The following ZDHHC14 variants were observed in gnomAD, a reference collection of about 807,000 sequenced individuals.
The protein encoded by ZDHHC14 is zDHHC palmitoyltransferase 14.
ZDHHC14 carries 16 observed loss-of-function variants against 47.7 expected under a neutral mutation model. The ratio of observed to expected loss-of-function variants is 0.34; its 90% CI spans 0.23 to 0.51. The LOEUF (loss-of-function observed/expected upper bound fraction) is 0.51, where lower values mean the gene tolerates loss of function less well. Ranked by LOEUF, ZDHHC14 falls within the 20% of genes least tolerant of loss-of-function variation. The probability of loss-of-function intolerance (pLI) is 0.97; values close to 1 mark genes in which losing one functional copy is unlikely to be tolerated. For missense variants in ZDHHC14, 515 were observed against 662.5 expected (o/e 0.78, Z 2.44); for synonymous variants, 293 against 278.9 (o/e 1.05, Z -0.50).
chr6:157,564,669 A>G (rs1252907393), intron 2 of ZDHHC14, among the ~76,000 whole-genome samples: 2 of 152,264 alleles, frequency 1.3e-5, no homozygotes, highest in African/African-American at 4.8e-5. Flanking sequence ...ATAATTTCTT[A>G]AATCTGTCAG....
chr6:157,500,092 GTTAGA>G (rs1780162067), intron 1 of ZDHHC14, among the ~76,000 whole-genome samples: 1 of 152,196 alleles, frequency 6.6e-6, no homozygotes, highest in South Asian at 2.1e-4. Flanking sequence ...ATGAGGCTGT[GTTAGA>G]TTAGTTAGTC....
In ZDHHC14 at chr6:157,673,699, A is replaced by G. The variant is rs1336359820; in HGVS notation, c.*577A>G. 6.5e-6 allele frequency: 1 copy of G among 152,912 alleles called. No homozygotes were observed. The highest frequency in any genetic ancestry group is 1.5e-5 in the Non-Finnish European group (1 of 68,316). The allele number at this position is 152,912 out of a possible 1,614,324, so 9.5% of individuals were successfully genotyped here. A position where few individuals can be genotyped will look rare whatever the true frequency, so the allele number is the denominator to read the frequency against. ...TGTTTTGTTGGAAGACAGTGCAACG[A>G]ACTGAGACTAATGGACAGTGTCATC... On this transcript the variant is annotated 3_prime_UTR_variant, in exon 9 of 9. Transcript: ENST00000359775. This position sits in a 1 kb window ranked among gnomAD's most constrained non-coding sequence, Gnocchi z 5.4.
chr6:157,406,457 C>T (rs867471042), intron 1 of ZDHHC14, among the ~76,000 whole-genome samples: 4 of 152,142 alleles, frequency 2.6e-5, no homozygotes, highest in Non-Finnish European at 2.9e-5. Flanking sequence ...TCTCAGAGAG[C>T]GCTGGATGGA....
intron 7 of ZDHHC14, among the ~76,000 whole-genome samples, chr6:157,648,595 A>T (rs532569522): frequency 6.6e-6 from 1 of 152,142 alleles, no homozygotes; most frequent in Admixed American, 6.5e-5. Context: ...TGTCCTCCTG[A>T]ACTAGGGGTC....
intron 1 of ZDHHC14, among the ~76,000 whole-genome samples, chr6:157,493,696 G>C (rs975984099): frequency 6.6e-6 from 1 of 152,252 alleles, no homozygotes; most frequent in Admixed American, 6.5e-5. Flanking sequence ...GCTGTCCTGA[G>C]GGTCTCAGGC....
chr6:157,590,672 G>GGC (rs1783873883), intron 2 of ZDHHC14, among the ~76,000 whole-genome samples: 1 of 152,230 alleles, frequency 6.6e-6, no homozygotes, highest in Admixed American at 6.5e-5. Context: ...GAAATGTGGG[G>GGC]TCAGAGCCCC....
chr6:157,545,442 C>T (rs532338220), intron 2 of ZDHHC14, among the ~76,000 whole-genome samples: 31 of 151,906 alleles, frequency 2.0e-4, no homozygotes, highest in Non-Finnish European at 3.8e-4. Context: ...TTTGGGAGGC[C>T]GAGGCAGGCA....
At position 157,469,991 on chromosome 6, in the gene ZDHHC14, G is replaced by A. The variant is rs1253989871; in HGVS notation, c.246-72594G>A. Reference sequence around the variant, plus strand: ...TCACTGGCTGCGGATGTGTGGGTACGTTACCTCTACAAAATGGAGACTAAC... The same window carrying A: ...TCACTGGCTGCGGATGTGTGGGTACATTACCTCTACAAAATGGAGACTAAC... On this transcript the variant is annotated intron_variant, in intron 1 of 8. Transcript: ENST00000359775. 7.2e-5 allele frequency among the ~76,000 whole-genome samples: 11 copies of A among 152,326 alleles called. No homozygotes were observed. The East Asian group carries it at 1.5e-3, about 21-fold the overall frequency.
At position 157,671,576 on chromosome 6, in the gene ZDHHC14, G is replaced by A. The variant is rs181054447; in HGVS notation, c.1069-1148G>A. Among the ~76,000 whole-genome samples the A allele has an allele frequency of 5.7e-3, 861 of 152,332 alleles. 3 individuals carry two copies. The highest frequency in any genetic ancestry group is 9.2e-3 in the Non-Finnish European group (628 of 68,032). ...TTCTGAAACTTGCCCATAGTTCAAG[G>A]AGAGGGTTTGCGGAGCTATCAGGGG... On this transcript the variant is annotated intron_variant, in intron 8 of 8. Coordinates refer to ENST00000359775, the MANE Select transcript of ZDHHC14 (RefSeq NM_024630.3).
intron 1 of ZDHHC14, among the ~76,000 whole-genome samples, chr6:157,384,713 A>G (rs1179038049): frequency 6.6e-6 from 1 of 152,224 alleles, no homozygotes; most frequent in Non-Finnish European, 1.5e-5. Context: ...ATTGCTTTCA[A>G]ATTCTTTATT....
chr6:157,499,556 A>G (rs1417898166), intron 1 of ZDHHC14, among the ~76,000 whole-genome samples: 1 of 150,600 alleles, frequency 6.6e-6, no homozygotes, highest in Non-Finnish European at 1.5e-5. Flanking sequence ...CATTCGCTCC[A>G]TAGCAAACAG....
intron 2 of ZDHHC14, among the ~76,000 whole-genome samples, chr6:157,561,241 C>T (rs1458781594): frequency 6.6e-6 from 1 of 150,602 alleles, no homozygotes; most frequent in Non-Finnish European, 1.5e-5. Flanking sequence ...GCATGCCTTG[C>T]TGGGGTCAGG....
At chr6:157,395,524 G>A (rs561747632) in intron 1 of ZDHHC14, among the ~76,000 whole-genome samples, 16 of 152,038 alleles carry the variant, frequency 1.1e-4, no homozygotes, top group Middle Eastern at 6.8e-3. Context: ...CGCCGGGCGC[G>A]GTGGCTCATG....
chr6:157,542,462 T>C, intron 1 of ZDHHC14, 123 bp from the exon 2 acceptor site: 1 of 1,329,430 alleles, frequency 7.5e-7, no homozygotes, highest in Non-Finnish European at 1.0e-6. Flanking sequence ...TTAATGGAAA[T>C]CAATTTCTCT....
At chr6:157,603,750 G>A (rs1784426302) in intron 3 of ZDHHC14, among the ~76,000 whole-genome samples, 1 of 152,190 alleles carries the variant, frequency 6.6e-6, no homozygotes. Context: ...CTCCTCAAAT[G>A]TTTTTCCAGG....
chr6:157,479,222 A>T (rs1779561340), intron 1 of ZDHHC14, among the ~76,000 whole-genome samples: 1 of 152,202 alleles, frequency 6.6e-6, no homozygotes, highest in African/African-American at 2.4e-5. Context: ...GGAAATGGGG[A>T]TATAGTACTT....
chr6:157,508,312 TTCTC>T (rs776198607), intron 1 of ZDHHC14, among the ~76,000 whole-genome samples: 2 of 152,242 alleles, frequency 1.3e-5, no homozygotes, highest in Non-Finnish European at 2.9e-5. Context: ...TTTTTGTCTG[TTCTC>T]TCTATCTGAA....
intron 2 of ZDHHC14, among the ~76,000 whole-genome samples, chr6:157,547,169 C>T (rs1462034693): frequency 6.6e-6 from 1 of 152,236 alleles, no homozygotes; most frequent in Non-Finnish European, 1.5e-5. Flanking sequence ...TAGATGCACC[C>T]GTGTGTGCAC....
chr6:157,630,952 CCA>C (rs1785692047), intron 4 of ZDHHC14: 2 of 146,646 alleles, frequency 1.4e-5, no homozygotes, highest in South Asian at 2.3e-4. Context: ...CCTTACACAC[CCA>C]CACTCACACA....
Sources: gnomAD v4.1 joint callset for allele counts (sites outside exome capture counted in the v4.1 genomes callset) on GRCh38, gnomAD v4.1.1 for gene constraint, Gnocchi (gnomAD v3.1) non-coding constraint, MANE v1.5 for transcripts, NCBI Gene and HGNC (gene_info 2026-07-23, HGNC 2026-07-21) for gene names.